The following HIVEP2 variants were observed in gnomAD, a reference collection of about 807,000 sequenced individuals.
The protein encoded by HIVEP2 is HIVEP zinc finger 2, also known as transcription factor HIVEP2.
HIVEP2 carries 14 observed loss-of-function variants against 180.7 expected under a neutral mutation model. The ratio of observed to expected loss-of-function variants is 0.08; its 90% CI spans 0.05 to 0.12. HIVEP2 has a LOEUF of 0.12. Among genes scored for constraint, HIVEP2 ranks in the 10% least tolerant of loss-of-function variants. The pLI is 1.00. For synonymous variants in HIVEP2, 1,184 were observed against 1,136.4 expected (o/e 1.04, Z -0.84); for missense variants, 2,579 against 3,008.5 (o/e 0.86, Z 3.34).
At chr6:142,833,425 A>G (rs1178988351) in intron 2 of HIVEP2, among the ~76,000 whole-genome samples, 2 of 152,196 alleles carry the variant, frequency 1.3e-5, no homozygotes, top group African/African-American at 2.4e-5. Context: ...CAGCCATCCT[A>G]TACTGCAAAC....
chr6:142,777,004 A>G (rs1186416152), intron 3 of HIVEP2, among the ~76,000 whole-genome samples: 2 of 152,204 alleles, frequency 1.3e-5, no homozygotes, highest in Non-Finnish European at 2.9e-5. Flanking sequence ...TGAATACTCA[A>G]CTTCCTTAGG....
chr6:142,753,549 G>A lies in HIVEP2; in HGVS notation c.6899C>T (p.Ser2300Phe). The change falls in exon 10 of 10, where the codon TCC becomes TTC. Residue 2300 changes from serine to phenylalanine, a missense_variant. Physicochemically the swap from Ser to Phe is radical, Grantham distance 155. Coordinates refer to ENST00000367603, the MANE Select transcript of HIVEP2 (RefSeq NM_006734.4). The stretch of plus-strand genomic sequence containing the variant: ...CTGTTTCATCAACAGCCGAGGAGAG[G>A]AGGGAGTGCTAGGTGGACCAGATGA... ...LQSSGPPSTP[S>F]SPRLLMKQST... The A allele has an allele frequency of 6.2e-7, 1 of 1,614,238 alleles. No individual in the cohort carries two copies. Among genetic ancestry groups the A allele is most frequent in the Non-Finnish European group, 8.5e-7 (1 of 1,180,036 alleles).
At chr6:142,880,813 A>G (rs531358283) in intron 1 of HIVEP2, among the ~76,000 whole-genome samples, 9 of 152,096 alleles carry the variant, frequency 5.9e-5, no homozygotes, top group South Asian at 4.2e-4. Context: ...CACAATCACA[A>G]CTGCAGGTTC....
At chr6:142,788,170 C>T (rs1000177460) in intron 2 of HIVEP2, 1 of 152,148 alleles carries the variant, frequency 6.6e-6, no homozygotes, top group African/African-American at 2.4e-5. Flanking sequence ...TCTGATTATT[C>T]TATGATACTT....
intron 1 of HIVEP2, among the ~76,000 whole-genome samples, chr6:142,929,142 C>G (rs980668728): frequency 2.0e-5 from 3 of 152,178 alleles, no homozygotes; most frequent in African/African-American, 7.2e-5. Flanking sequence ...CATACTTATA[C>G]TTGTTCCTTC....
At chr6:142,786,824 C>A (rs923280493) in intron 2 of HIVEP2, among the ~76,000 whole-genome samples, 1 of 152,146 alleles carries the variant, frequency 6.6e-6, no homozygotes, top group Admixed American at 6.6e-5. Flanking sequence ...ATGAATCTAG[C>A]AAGAGGTGAA....
intron 1 of HIVEP2, among the ~76,000 whole-genome samples, chr6:142,884,865 A>C (rs2128418331): frequency 6.6e-6 from 1 of 152,238 alleles, no homozygotes; most frequent in East Asian, 1.9e-4. Flanking sequence ...TTGTGCATTC[A>C]GTTATAATGC....
At chr6:142,759,104 C>A (rs1438093138) in intron 9 of HIVEP2, among the ~76,000 whole-genome samples, 1 of 151,998 alleles carries the variant, frequency 6.6e-6, no homozygotes, top group Non-Finnish European at 1.5e-5. Flanking sequence ...GAGTTCGAGA[C>A]CAGCCTGGCC....
intron 2 of HIVEP2, among the ~76,000 whole-genome samples, chr6:142,814,919 A>T (rs1240354319): frequency 1.3e-5 from 2 of 152,122 alleles, no homozygotes; most frequent in East Asian, 3.9e-4. Flanking sequence ...AATACCACAG[A>T]CTGGGTAATT....
Position 142,774,530 on chromosome 6 carries a change from G to T in HIVEP2, c.209C>A (p.Ala70Asp). Residue 70 changes from alanine (A) to aspartate (D), a missense_variant, in exon 5 of 10, where the codon GCC (alanine) becomes GAC (aspartate). Coordinates refer to ENST00000367603, the MANE Select transcript of HIVEP2 (RefSeq NM_006734.4). This position sits in a 1 kb window ranked among gnomAD's most constrained non-coding sequence, Gnocchi z 5.1. Reference protein sequence around the residue: ...SAQLFGSGKLASPSEVVQQVA... With the variant: ...SAQLFGSGKLDSPSEVVQQVA... The stretch of plus-strand genomic sequence containing the variant: ...TTGCTGCACCACTTCACTAGGGGAG[G>T]CCAGTTTCCCAGAACCAAACAGTTG... 1.9e-6 allele frequency: 3 copies of T among 1,614,176 alleles called. No individual in the cohort carries two copies. The highest frequency in any genetic ancestry group is 4.5e-5 in the East Asian group (2 of 44,884).
At chr6:142,910,491 A>G (rs956836791) in intron 1 of HIVEP2, among the ~76,000 whole-genome samples, 21 of 152,234 alleles carry the variant, frequency 1.4e-4, no homozygotes, top group African/African-American at 3.9e-4. Flanking sequence ...AGTCCCAGCT[A>G]TATGAGAGGC....
chr6:142,859,323 T>TC (rs1775907918), intron 1 of HIVEP2, among the ~76,000 whole-genome samples: 1 of 151,788 alleles, frequency 6.6e-6, no homozygotes, highest in South Asian at 2.1e-4. Flanking sequence ...AAAAAATGTG[T>TC]GATGGCACAT....
At chr6:142,944,127 C>G (rs1228671170) in intron 1 of HIVEP2, among the ~76,000 whole-genome samples, 1 of 152,172 alleles carries the variant, frequency 6.6e-6, no homozygotes, top group Non-Finnish European at 1.5e-5. Context: ...AACCCTCCTT[C>G]CCTTCTTCCT....
intron 1 of HIVEP2, among the ~76,000 whole-genome samples, chr6:142,869,423 A>T (rs1041459809): frequency 6.6e-6 from 1 of 152,168 alleles, no homozygotes; most frequent in East Asian, 1.9e-4. Context: ...GACTCAGAAT[A>T]AAAAAATTAT....
chr6:142,790,645 T>G (rs1776115283), intron 2 of HIVEP2, among the ~76,000 whole-genome samples: 2 of 152,208 alleles, frequency 1.3e-5, no homozygotes, highest in African/African-American at 4.8e-5. Context: ...AATTTTCTTT[T>G]TACTCCTGGG....
intron 1 of HIVEP2, among the ~76,000 whole-genome samples, chr6:142,936,718 T>C (rs776142144): frequency 7.9e-5 from 12 of 152,158 alleles, no homozygotes; most frequent in Non-Finnish European, 1.6e-4. Flanking sequence ...GAGAGACCAC[T>C]ATAAAAGCAG....
At chr6:142,789,876 A>C (rs1776096908) in intron 2 of HIVEP2, among the ~76,000 whole-genome samples, 1 of 152,204 alleles carries the variant, frequency 6.6e-6, no homozygotes, top group African/African-American at 2.4e-5. Context: ...CTCCACTGAA[A>C]TGTTTATCAA....
At chr6:142,809,075 C>T (rs1776626142) in intron 2 of HIVEP2, among the ~76,000 whole-genome samples, 2 of 151,958 alleles carry the variant, frequency 1.3e-5, no homozygotes, top group Non-Finnish European at 2.9e-5. Context: ...ATCACAGTAT[C>T]AGTAGTATGG....
chr6:142,791,760 T>A (rs1776142885), intron 2 of HIVEP2, among the ~76,000 whole-genome samples: 1 of 152,202 alleles, frequency 6.6e-6, no homozygotes. Flanking sequence ...TTTAAATCAA[T>A]TTCAATGACA....
Sources: allele counts gnomAD v4.1 joint callset (sites outside exome capture counted in the v4.1 genomes callset), GRCh38; gene constraint gnomAD v4.1.1; non-coding constraint Gnocchi (gnomAD v3.1); transcripts MANE v1.5; gene names NCBI Gene and HGNC (gene_info 2026-07-23, HGNC 2026-07-21).